The following GZMM variants were observed in gnomAD, a reference collection of about 807,000 sequenced individuals.
The protein encoded by GZMM is granzyme M, also known as HU-Met-1.
Under a neutral mutation model 19.2 loss-of-function variants are expected in GZMM, and 23 were observed. That is an observed-to-expected ratio of 1.20 (90% CI 0.86 to 1.69). The LOEUF is 1.69. Ranked by LOEUF, GZMM falls within the 40% of genes most tolerant of loss-of-function variation. GZMM has a pLI of 0.00. For synonymous variants in GZMM, 178 were observed against 160.2 expected (o/e 1.11, Z -0.84); for missense variants, 373 against 352.2 (o/e 1.06, Z -0.47).
chr19:549,086 G>T lies in GZMM; in HGVS notation c.513G>T (p.Leu171=). The part of the protein sequence containing the change: ...RVLRELDLQV[L]DTRMCNNSRF... The stretch of plus-strand genomic sequence containing the variant: ...TGCGGGAGCTGGACCTCCAAGTGCT[G>T]GACACCCGCATGTGTAACAACAGCC... The change falls in exon 4 of 5, where the codon CTG becomes CTT. Residue 171 remains leucine (L), a synonymous_variant. Transcript: ENST00000264553. 1 of 1,587,530 alleles carries T rather than the reference G, an allele frequency of 6.3e-7. No individual in the cohort carries two copies.
At chr19:545,791 C>T (rs578234605) in intron 1 of GZMM, among the ~76,000 whole-genome samples, 1 of 152,074 alleles carries the variant, frequency 6.6e-6, no homozygotes, top group African/African-American at 2.4e-5. Context: ...TTACAGATGC[C>T]CGCCACCTCG....
rs2145860662 is a variant in GZMM at position 548,621 on chromosome 19, C to T, written c.292C>T (p.Gln98Ter). ...CACCTTCCACATCAAGGCAGCCATCCAGCACCCTCGCTACAAGCCCGTCCC... is the reference window on the plus strand; with the variant it reads ...CACCTTCCACATCAAGGCAGCCATCTAGCACCCTCGCTACAAGCCCGTCCC... ...GLTFHIKAAI[Q>*]HPRYKPVPAL... Residue 98 changes from glutamine to a stop codon, truncating the protein, a stop_gained, in exon 3 of 5, where the codon CAG becomes TAG. Transcript: ENST00000264553. LOFTEE classifies it high-confidence loss of function. The T allele has an allele frequency of 6.2e-7, 1 of 1,613,642 alleles. No homozygotes were observed. The highest frequency in any genetic ancestry group is 1.3e-5 in the African/African-American group (1 of 74,994).
intron 4 of GZMM, 138 bp downstream of exon 4, chr19:549,323 G>A: frequency 1.1e-6 from 1 of 920,928 alleles, no homozygotes; most frequent in Non-Finnish European, 1.6e-6. Flanking sequence ...AGCACTGGCA[G>A]GGGTCCCGTT....
At chr19:547,501 C>T in intron 2 of GZMM, 65 bp downstream of exon 2, 3 of 1,215,442 alleles carry the variant, frequency 2.5e-6, no homozygotes, top group Non-Finnish European at 3.2e-6. Flanking sequence ...CCATTCTCTG[C>T]AGGGGGTGGG....
Position 548,995 on chromosome 19 carries a change from C to T in GZMM, c.422C>T (p.Ala141Val). Residue 141 changes from alanine to valine, a missense_variant, in exon 4 of 5, where the codon GCA becomes GTA. Coordinates refer to ENST00000264553, the MANE Select transcript of GZMM (RefSeq NM_005317.4). ...ALPSKRQVVAAGTRCSMAGWG... is the reference protein window; with the variant it reads ...ALPSKRQVVAVGTRCSMAGWG... The stretch of plus-strand genomic sequence containing the variant: ...CCCAGTAAGCGCCAGGTGGTGGCAG[C>T]AGGGACTCGGTGCAGCATGGCCGGC... 2 of 1,603,914 alleles carry T rather than the reference C, an allele frequency of 1.2e-6. No homozygotes were observed. Among genetic ancestry groups the T allele is most frequent in the African/African-American group, 1.3e-5 (1 of 74,778 alleles).
In GZMM at chr19:549,669, G is replaced by A. The variant is rs1352824150; in HGVS notation, c.652G>A (p.Val218Met). ...GCCCCTGGTGTGTGGCAAAGGCCGG[G>A]TGTTGGCCAGAGTCCTGTCCTTCAG... ...GGPLVCGKGR[V>M]LARVLSFSSR... Residue 218 changes from valine (V) to methionine (M), a missense_variant, in exon 5 of 5, where the codon GTG (valine) becomes ATG (methionine). Transcript: ENST00000264553. 2.1e-5 allele frequency: 34 copies of A among 1,613,558 alleles called. No individual in the cohort carries two copies. The highest frequency in any genetic ancestry group is 2.8e-5 in the Non-Finnish European group (33 of 1,179,916).
At chr19:548,086 AC>A (rs1440820653) in intron 2 of GZMM, among the ~76,000 whole-genome samples, 10 of 152,258 alleles carry the variant, frequency 6.6e-5, no homozygotes, top group Non-Finnish European at 1.0e-4. Flanking sequence ...GCTCTGCTGC[AC>A]TACCAGGAAG....
chr19:547,201 C>T, intron 1 of GZMM, 79 bp from the exon 2 acceptor site: 2 of 1,339,856 alleles, frequency 1.5e-6, no homozygotes, highest in Non-Finnish European at 9.8e-7. Flanking sequence ...TCCTGGGCCT[C>T]TGAGCTGGGC....
intron 1 of GZMM, among the ~76,000 whole-genome samples, chr19:545,145 G>A (rs1980226523): frequency 1.8e-5 from 2 of 113,442 alleles, no homozygotes; most frequent in South Asian, 5.7e-4. Context: ...ATCCGTATTT[G>A]CAGGGCTCGT....
In GZMM at chr19:544,128, T is replaced by C; in HGVS notation, c.55+2T>C. 4 of 1,548,682 alleles carry C rather than the reference T, an allele frequency of 2.6e-6. No homozygotes were observed. The highest frequency in any genetic ancestry group is 3.5e-6 in the Non-Finnish European group (4 of 1,147,324). ...TGGCCCTGGGGGCCCTGTCAGTAGGTGAGTGGGAGCCGGGATGCAGGGGGG... is the reference window on the plus strand; with the variant it reads ...TGGCCCTGGGGGCCCTGTCAGTAGGCGAGTGGGAGCCGGGATGCAGGGGGG... On this transcript the variant is annotated splice_donor_variant, in intron 1 of 4. Coordinates refer to ENST00000264553, the MANE Select transcript of GZMM (RefSeq NM_005317.4). LOFTEE classifies it high-confidence loss of function.
At chr19:546,945 A>T (rs1012447415) in intron 1 of GZMM, among the ~76,000 whole-genome samples, 1 of 151,940 alleles carries the variant, frequency 6.6e-6, no homozygotes, top group Non-Finnish European at 1.5e-5. Flanking sequence ...CAGCCTCCCG[A>T]AGTGCTGGGA....
rs1196715866 is a variant in GZMM, at chr19:549,182, C to A, written c.609C>A (p.Cys203Ter). ...LAADSKDQAP[C>*]KGDSGGPLVC... ...CCGACTCCAAGGACCAGGCTCCCTG[C>A]AAGGTGAGGGGCGCCCGGGTGGGGC... Residue 203 changes from cysteine to a stop codon, truncating the protein, a stop_gained, in exon 4 of 5, where the codon TGC (cysteine) becomes TGA (stop). Transcript: ENST00000264553. LOFTEE classifies it low-confidence loss of function (END_TRUNC). 6.4e-7 allele frequency: 1 copy of A among 1,570,204 alleles called. No homozygotes were observed. The highest frequency in any genetic ancestry group is 8.6e-7 in the Non-Finnish European group (1 of 1,157,860).
intron 4 of GZMM, 62 bp downstream of exon 4, chr19:549,247 G>A: frequency 2.0e-6 from 3 of 1,472,560 alleles, no homozygotes; most frequent in South Asian, 2.6e-5. Context: ...GGCCAGGGCA[G>A]CCGCCGGGCA....
intron 1 of GZMM, among the ~76,000 whole-genome samples, chr19:547,068 T>A (rs1302076836): frequency 3.2e-5 from 1 of 31,254 alleles, no homozygotes; most frequent in Non-Finnish European, 6.5e-5. Context: ...GGAGGTGGCC[T>A]GGGGGGAACA....
intron 1 of GZMM, 48 bp downstream of exon 1, chr19:544,174 CGGT>C: frequency 6.7e-7 from 1 of 1,481,594 alleles, no homozygotes. Context: ...CCAGCGCTCT[CGGT>C]GGGTCCCTGG....
intron 1 of GZMM, among the ~76,000 whole-genome samples, chr19:544,947 C>T (rs1410126925): frequency 2.0e-5 from 3 of 146,416 alleles, no homozygotes; most frequent in African/African-American, 7.8e-5. Context: ...ATCCATCATC[C>T]ATCCCTCCTT....
chr19:549,322 AG>A (rs1291482459), intron 4 of GZMM, 137 bp downstream of exon 4: 10 of 923,708 alleles, frequency 1.1e-5, no homozygotes, highest in Non-Finnish European at 1.4e-5. Flanking sequence ...AAGCACTGGC[AG>A]GGGTCCCGTT....
rs910946294 is a variant in GZMM, at chr19:549,610, G to A, written c.613-20G>A. The A allele has an allele frequency of 6.2e-7, 1 of 1,605,202 alleles. No individual in the cohort carries two copies. Among genetic ancestry groups the A allele is most frequent in the African/African-American group, 1.3e-5 (1 of 74,888 alleles). Reference sequence around the variant, plus strand: ...CCTCAGCAGGTGCAGAGGCTGAGCTGCGGTGTGTCGTCCCTGCAGGGTGAC... The same window carrying A: ...CCTCAGCAGGTGCAGAGGCTGAGCTACGGTGTGTCGTCCCTGCAGGGTGAC... On this transcript the variant is annotated intron_variant, in intron 4 of 4. Transcript: ENST00000264553.
intron 4 of GZMM, 129 bp from the exon 5 acceptor site, chr19:549,494 GCGTGGGC>G (rs1980430377): frequency 2.2e-6 from 2 of 897,314 alleles, no homozygotes; most frequent in Non-Finnish European, 3.3e-6. Context: ...GAGGGGACAC[GCGTGGGC>G]CGGGAGCAGC....
Sources: gnomAD v4.1 joint callset for allele counts (sites outside exome capture counted in the v4.1 genomes callset) on GRCh38, gnomAD v4.1.1 for gene constraint, MANE v1.5 for transcripts, NCBI Gene and HGNC (gene_info 2026-07-23, HGNC 2026-07-21) for gene names.